Variants in FOXP1 observed in about 807,000 individuals in gnomAD.
The protein encoded by FOXP1 is forkhead box protein P1.
Under a neutral mutation model 98.2 loss-of-function variants are expected in FOXP1, and 15 were observed. That is an observed-to-expected ratio of 0.15 (90% confidence interval 0.10 to 0.24). The LOEUF (loss-of-function observed/expected upper bound fraction) is 0.24. FOXP1 is among the 10% of genes least tolerant of loss of function. FOXP1 has a pLI of 1.00. For missense variants in FOXP1, 633 were observed against 848.5 expected (o/e 0.75, Z 3.15); for synonymous variants, 371 against 314.5 (o/e 1.18, Z -1.90).
chr3:71,124,033 G>GT (rs2058972714), intron 6 of FOXP1, among the ~76,000 whole-genome samples: 1 of 151,854 alleles, frequency 6.6e-6, no homozygotes, highest in Non-Finnish European at 1.5e-5. Flanking sequence ...ACTATGCTCG[G>GT]TACCTGGGTG....
chr3:71,105,631 A>G (rs2057358936), intron 7 of FOXP1, among the ~76,000 whole-genome samples: 1 of 152,162 alleles, frequency 6.6e-6, no homozygotes, highest in Admixed American at 6.5e-5. Context: ...TCCTAGCCCC[A>G]ACAATGATTA....
At chr3:71,201,703 G>A (rs1030816890) in intron 5 of FOXP1, among the ~76,000 whole-genome samples, 3 of 151,892 alleles carry the variant, frequency 2.0e-5, no homozygotes, top group Non-Finnish European at 4.4e-5. Context: ...AAGCAAGAGA[G>A]CATTTGTCTT....
At chr3:71,575,913 G>C (rs2047686732) in intron 2 of FOXP1, among the ~76,000 whole-genome samples, 1 of 152,254 alleles carries the variant, frequency 6.6e-6, no homozygotes, top group Non-Finnish European at 1.5e-5. Context: ...ATATTCTTCA[G>C]TGTCCTAGTA....
At chr3:71,430,161 T>A (rs184613095) in intron 3 of FOXP1, among the ~76,000 whole-genome samples, 2 of 152,266 alleles carry the variant, frequency 1.3e-5, no homozygotes, top group East Asian at 3.9e-4. Context: ...GGCTCCCTCC[T>A]GACCATACCC....
At chr3:71,239,006 T>G (rs539708194) in intron 5 of FOXP1, among the ~76,000 whole-genome samples, 1 of 152,338 alleles carries the variant, frequency 6.6e-6, no homozygotes, top group East Asian at 1.9e-4. Context: ...TACCTACTTA[T>G]GTGCAAGGCA....
chr3:71,146,905 G>A (rs1489796116), intron 6 of FOXP1, among the ~76,000 whole-genome samples: 1 of 152,228 alleles, frequency 6.6e-6, no homozygotes, highest in Admixed American at 6.5e-5. Flanking sequence ...GGGGAACAAT[G>A]TTAAGCCATC....
intron 6 of FOXP1, among the ~76,000 whole-genome samples, chr3:71,164,421 G>C (rs768465494): frequency 5.3e-5 from 8 of 152,056 alleles, no homozygotes; most frequent in African/African-American, 1.9e-4. Flanking sequence ...GGATGGTCTC[G>C]ATCTCCTGAC....
Position 70,972,780 on chromosome 3 carries a change from C to G in FOXP1, c.1531-104G>C, listed in dbSNP as rs1486696249. On this transcript the variant is annotated intron_variant, in intron 17 of 20. Transcript: ENST00000649528. ...CAGTCCACATTTGTAAAACCATCCC[C>G]AAGAGCTGTAGCTACCACCCCCGTG... 2.5e-6 allele frequency: 3 copies of G among 1,218,084 alleles called. No homozygotes were observed. In the Admixed American group the frequency reaches 6.1e-5, roughly 25 times the overall value. 75.5% of individuals were successfully genotyped at this position (1,218,084 alleles called of 1,614,324 possible).
At chr3:71,475,029 A>G (rs565518851) in intron 3 of FOXP1, among the ~76,000 whole-genome samples, 54 of 152,180 alleles carry the variant, frequency 3.5e-4, no homozygotes, top group African/African-American at 1.3e-3. Flanking sequence ...TGTGTCAGGC[A>G]AGCTCAAGTC....
chr3:71,505,251 C>A (rs1370093647), intron 2 of FOXP1, among the ~76,000 whole-genome samples: 3 of 152,042 alleles, frequency 2.0e-5, no homozygotes, highest in Non-Finnish European at 4.4e-5. Flanking sequence ...TGCGTGAAGT[C>A]AGGCAAACCC....
intron 5 of FOXP1, among the ~76,000 whole-genome samples, chr3:71,284,684 G>A (rs1233658284): frequency 3.3e-5 from 5 of 152,000 alleles, no homozygotes; most frequent in African/African-American, 1.2e-4. Flanking sequence ...TATCCGAAAG[G>A]ATGATGTGGT....
At chr3:70,970,683 A>G (rs1375174014) in intron 19 of FOXP1, 53 bp downstream of exon 19, 1 of 1,309,822 alleles carries the variant, frequency 7.6e-7, no homozygotes, top group African/African-American at 1.4e-5. Flanking sequence ...TTTTGAAATG[A>G]GTAGGGGAGA....
At chr3:71,106,156 AC>A (rs1466986192) in intron 7 of FOXP1, among the ~76,000 whole-genome samples, 1 of 152,178 alleles carries the variant, frequency 6.6e-6, no homozygotes, top group Non-Finnish European at 1.5e-5. Flanking sequence ...CACTGCCTAT[AC>A]TACAGAGTAG....
At position 71,212,440 on chromosome 3, in the gene FOXP1, G is replaced by A. The variant is rs79747115; in HGVS notation, c.-11-14048C>T. On this transcript the variant is annotated intron_variant, in intron 5 of 20. Coordinates refer to ENST00000649528, the MANE Select transcript of FOXP1 (RefSeq NM_001349338.3). ...TGCTAAAGACATAATCAACCAAGAA[G>A]CCAGATTCTTTACACTTGCCCCCAA... Among the ~76,000 whole-genome samples the A allele has an allele frequency of 2.1e-3, 319 of 152,294 alleles. 1 individual carries two copies. Among genetic ancestry groups the A allele is most frequent in the African/African-American group, 7.1e-3 (293 of 41,544 alleles).
rs187032505 is a variant in FOXP1 at position 71,385,694 on chromosome 3, A to C, written c.-167-26450T>G. 1.5e-3 allele frequency among the ~76,000 whole-genome samples: 232 copies of C among 152,366 alleles called. 2 individuals are homozygous for C. Among genetic ancestry groups the C allele is most frequent in the Admixed American group, 2.9e-3 (44 of 15,306 alleles). On this transcript the variant is annotated intron_variant, in intron 3 of 20. Coordinates refer to ENST00000649528, the MANE Select transcript of FOXP1 (RefSeq NM_001349338.3). ...AATATGTATACAAACATGAATATGT[A>C]TAGGTATGTGTCTGAAGCATGGCCT...
At chr3:71,516,521 G>C (rs1389718435) in intron 2 of FOXP1, among the ~76,000 whole-genome samples, 1 of 152,048 alleles carries the variant, frequency 6.6e-6, no homozygotes, top group Non-Finnish European at 1.5e-5. Context: ...TTATTTTCTA[G>C]AAAATGAAAT....
At chr3:71,121,078 G>A (rs1397266956) in intron 6 of FOXP1, among the ~76,000 whole-genome samples, 1 of 147,626 alleles carries the variant, frequency 6.8e-6, no homozygotes, top group African/African-American at 2.5e-5. Context: ...GGACTAAAGA[G>A]AAAAAATTAC....
At chr3:71,069,250 G>T (rs1261674592) in intron 7 of FOXP1, among the ~76,000 whole-genome samples, 1 of 152,120 alleles carries the variant, frequency 6.6e-6, no homozygotes, top group African/African-American at 2.4e-5. Context: ...ATTGCTTCTG[G>T]TTAATTTGTA....
chr3:71,263,262 C>A (rs2069327927), intron 5 of FOXP1, among the ~76,000 whole-genome samples: 1 of 152,102 alleles, frequency 6.6e-6, no homozygotes, highest in Non-Finnish European at 1.5e-5. Flanking sequence ...CTACTGAGAG[C>A]AATTGAAACC....
Sources: allele counts gnomAD v4.1 joint callset (sites outside exome capture counted in the v4.1 genomes callset), GRCh38; gene constraint gnomAD v4.1.1; transcripts MANE v1.5; gene names NCBI Gene and HGNC (gene_info 2026-07-23, HGNC 2026-07-21).